The following XPO7 variants were observed in gnomAD, a reference collection of about 807,000 sequenced individuals.
XPO7 encodes the protein exportin-7.
Under a neutral mutation model 144.3 loss-of-function variants are expected in XPO7, and 21 were observed. The ratio of observed to expected loss-of-function variants is 0.15; its 90% CI spans 0.10 to 0.21. The LOEUF is 0.21. XPO7 is among the 10% of genes least tolerant of loss of function. The pLI is 1.00. For missense variants in XPO7, 808 were observed against 1,325.8 expected (o/e 0.61, Z 6.06); for synonymous variants, 580 against 499.6 (o/e 1.16, Z -2.15).
chr8:21,990,791 T>G lies in XPO7; in HGVS notation c.1933-20T>G. 1.2e-6 allele frequency: 2 copies of G among 1,612,158 alleles called. No homozygotes were observed. Among genetic ancestry groups the G allele is most frequent in the South Asian group, 2.2e-5 (2 of 91,048 alleles). On this transcript the variant is annotated intron_variant, in intron 17 of 27. Coordinates refer to ENST00000252512, the MANE Select transcript of XPO7 (RefSeq NM_015024.5). ...CTAACTCATGTTTTTACCTTTAACT[T>G]CTTTTCTTTTTTTCAATAGAGCGAG...
At chr8:21,967,130 CA>C in intron 2 of XPO7, 127 bp downstream of exon 2, 1 of 1,312,804 alleles carries the variant, frequency 7.6e-7, no homozygotes. Context: ...GACTTATTTT[CA>C]CTTTTAAGAA....
At chr8:21,935,156 A>G (rs1810780757) in intron 1 of XPO7, among the ~76,000 whole-genome samples, 1 of 152,218 alleles carries the variant, frequency 6.6e-6, no homozygotes, top group South Asian at 2.1e-4. Flanking sequence ...TTTTAGTTCT[A>G]TTAGGTTTGG....
At chr8:21,942,519 T>C (rs1811026918) in intron 1 of XPO7, among the ~76,000 whole-genome samples, 1 of 152,254 alleles carries the variant, frequency 6.6e-6, no homozygotes, top group African/African-American at 2.4e-5. Flanking sequence ...TCATAGTTAC[T>C]TCTGCATTCA....
rs571193730 is a variant in XPO7, at chr8:21,991,008, C to G, written c.2041+89C>G. 5.0e-6 allele frequency: 6 copies of G among 1,211,080 alleles called. No homozygotes were observed. The African/African-American group carries it at 9.1e-5, about 18-fold the overall frequency. The allele number at this position is 1,211,080 out of a possible 1,614,324, so 75.0% of individuals were successfully genotyped here. On this transcript the variant is annotated intron_variant, in intron 18 of 27. Coordinates refer to ENST00000252512, the MANE Select transcript of XPO7 (RefSeq NM_015024.5). Reference sequence around the variant, plus strand: ...GACTGAAAACTAGATGTTGGGGAGGCCTTTTCTGTTTTTTCAACAGTAACA... The same window carrying G: ...GACTGAAAACTAGATGTTGGGGAGGGCTTTTCTGTTTTTTCAACAGTAACA...
intron 13 of XPO7, among the ~76,000 whole-genome samples, 157 bp downstream of exon 13, chr8:21,985,848 A>G (rs1812561954): frequency 6.6e-6 from 1 of 152,232 alleles, no homozygotes; most frequent in Non-Finnish European, 1.5e-5. Context: ...AACTCTGCCT[A>G]TGATCTTTAC....
chr8:21,972,085 C>G (rs1248509201), intron 5 of XPO7, 144 bp downstream of exon 5: 5 of 674,852 alleles, frequency 7.4e-6, no homozygotes, highest in Non-Finnish European at 1.3e-5. Flanking sequence ...CAAAATAGTT[C>G]CATTGGGTTT....
rs1171736603 is a variant in XPO7 at position 22,003,884 on chromosome 8, TC to T, written c.3043-17del. The T allele has an allele frequency of 6.2e-7, 1 of 1,613,550 alleles. No homozygotes were observed. The highest frequency in any genetic ancestry group is 1.3e-5 in the African/African-American group (1 of 74,874). ...TTCCCCTGCTTCTCTAACCTTCTGT[TC>T]CACTCCTTGCCCCACAGTATTTTTC... On this transcript the variant is annotated intron_variant, in intron 26 of 27. Transcript: ENST00000252512.
Position 22,006,176 on chromosome 8 carries a change from C to T in XPO7, c.*1088C>T, listed in dbSNP as rs541249061. On this transcript the variant is annotated 3_prime_UTR_variant, in exon 28 of 28. Transcript: ENST00000252512. Reference sequence around the variant, plus strand: ...ACTACAGTGGAAGGGTTCTTAATAACAAGGTCTACCTAGCATGAAGTATTT... The same window carrying T: ...ACTACAGTGGAAGGGTTCTTAATAATAAGGTCTACCTAGCATGAAGTATTT... The T allele has an allele frequency of 2.0e-5, 3 of 152,264 alleles. No homozygotes were observed. In the South Asian group the frequency reaches 6.2e-4, roughly 32 times the overall value. The allele number at this position is 152,264 out of a possible 1,614,324, so 9.4% of individuals were successfully genotyped here.
chr8:21,966,354 C>CGT, intron 1 of XPO7: 2 of 778,170 alleles, frequency 2.6e-6, no homozygotes, highest in Non-Finnish European at 4.8e-6. Flanking sequence ...GAGGTTTTCT[C>CGT]GTACAGGTGA....
intron 7 of XPO7, among the ~76,000 whole-genome samples, chr8:21,976,762 T>A (rs1812237208): frequency 6.6e-6 from 1 of 152,192 alleles, no homozygotes; most frequent in Non-Finnish European, 1.5e-5. Flanking sequence ...CAAGCAGTCT[T>A]CCCATCTCAG....
At chr8:21,962,385 A>G (rs981468778) in intron 1 of XPO7, among the ~76,000 whole-genome samples, 4 of 152,020 alleles carry the variant, frequency 2.6e-5, no homozygotes, top group African/African-American at 9.7e-5. Context: ...ATGCAAATGT[A>G]TTTTTTTGTT....
At chr8:21,941,727 TA>T in intron 1 of XPO7, among the ~76,000 whole-genome samples, 1 of 152,236 alleles carries the variant, frequency 6.6e-6, no homozygotes, top group African/African-American at 2.4e-5. Context: ...ACCTAAAAGG[TA>T]TTTTCGTTTG....
chr8:21,996,740 T>C (rs958503228), intron 21 of XPO7, among the ~76,000 whole-genome samples: 10 of 152,224 alleles, frequency 6.6e-5, no homozygotes, highest in Non-Finnish European at 1.2e-4. Flanking sequence ...GGTATGGGCA[T>C]TGGTCTCTCA....
rs1813285045 is a variant in XPO7 at position 22,005,160 on chromosome 8, G to A, written c.*72G>A. Reference sequence around the variant, plus strand: ...GCCCAGAGGGGCGAACAATTGCAAGGGAGAGGGCCTGGCTGATCCTGGCTC... The same window carrying A: ...GCCCAGAGGGGCGAACAATTGCAAGAGAGAGGGCCTGGCTGATCCTGGCTC... On this transcript the variant is annotated 3_prime_UTR_variant, in exon 28 of 28. Transcript: ENST00000252512. 7.7e-7 allele frequency: 1 copy of A among 1,302,042 alleles called. No homozygotes were observed. The highest frequency in any genetic ancestry group is 1.1e-6 in the Non-Finnish European group (1 of 934,042). 80.7% of individuals were successfully genotyped at this position (1,302,042 alleles called of 1,614,324 possible). A position where few individuals can be genotyped will look rare whatever the true frequency, so the allele number is the denominator to read the frequency against.
intron 1 of XPO7, among the ~76,000 whole-genome samples, chr8:21,923,474 A>G (rs1445348845): frequency 6.6e-6 from 1 of 152,216 alleles, no homozygotes; most frequent in African/African-American, 2.4e-5. Flanking sequence ...CTCCTATTCA[A>G]CACCACACTG....
chr8:21,968,363 A>T (rs1811951047), intron 2 of XPO7, among the ~76,000 whole-genome samples: 1 of 152,268 alleles, frequency 6.6e-6, no homozygotes, highest in South Asian at 2.1e-4. Context: ...ACAAATTATA[A>T]TTGGTTGAAA....
intron 16 of XPO7, among the ~76,000 whole-genome samples, chr8:21,989,864 T>TTTTTTTTTTTTTTTTTTTTTTTTTG: frequency 2.2e-5 from 2 of 92,370 alleles, no homozygotes; most frequent in Non-Finnish European, 4.0e-5. Flanking sequence ...TTTTTTTTTT[T>TTTTTTTTTTTTTTTTTTTTTTTTTG]TTTGAGATGG....
intron 1 of XPO7, among the ~76,000 whole-genome samples, chr8:21,956,438 C>T (rs949830227): frequency 6.6e-6 from 1 of 152,194 alleles, no homozygotes; most frequent in African/African-American, 2.4e-5. Flanking sequence ...TGGGTGGACA[C>T]TCCATTCTGG....
In XPO7 at chr8:21,998,770, G is replaced by T. The variant is rs1291875841; in HGVS notation, c.2361G>T (p.Gln787His). The part of the protein sequence containing the change: ...ELVHNRSQRL[Q>H]FDVSSPNGIL... ...CTCTGCTCAGGTCCCAGCGACTCCA[G>T]TTTGATGTCTCTTCCCCCAATGGCA... The change falls in exon 22 of 28, where the codon CAG (glutamine) becomes CAT (histidine). Residue 787 changes from glutamine (Q) to histidine (H), a missense_variant. Gln to His is a conservative substitution (Grantham distance 24, BLOSUM62 0). Coordinates refer to ENST00000252512, the MANE Select transcript of XPO7 (RefSeq NM_015024.5). The T allele has an allele frequency of 6.2e-7, 1 of 1,613,934 alleles. No homozygotes were observed. Among genetic ancestry groups the T allele is most frequent in the Non-Finnish European group, 8.5e-7 (1 of 1,179,884 alleles).
Sources: allele counts gnomAD v4.1 joint callset (sites outside exome capture counted in the v4.1 genomes callset), GRCh38; gene constraint gnomAD v4.1.1; transcripts MANE v1.5; gene names NCBI Gene and HGNC (gene_info 2026-07-23, HGNC 2026-07-21).